Variants in MAN1A1 observed in about 807,000 individuals in gnomAD.
MAN1A1 encodes the protein mannosidase alpha class 1A member 1, also known as mannosyl-oligosaccharide 1,2-alpha-mannosidase IA.
In MAN1A1, 29 loss-of-function variants were observed where a neutral mutation model predicts 70.8. The ratio of observed to expected loss-of-function variants is 0.41; its 90% CI spans 0.31 to 0.56. The LOEUF (loss-of-function observed/expected upper bound fraction) is 0.56, where lower values mean the gene tolerates loss of function less well. Among genes scored for constraint, MAN1A1 ranks in the 20% least tolerant of loss-of-function variants. The pLI, the probability that MAN1A1 is intolerant of heterozygous loss-of-function variation, is 0.29. For missense variants in MAN1A1, 747 were observed against 841.3 expected (o/e 0.89, Z 1.39); for synonymous variants, 349 against 330.1 (o/e 1.06, Z -0.62).
rs1775365743 is a variant in MAN1A1 at position 119,253,003 on chromosome 6, C to T, written c.898-4649G>A. Among the ~76,000 whole-genome samples the T allele has an allele frequency of 2.6e-5, 4 of 152,126 alleles. No individual in the cohort carries two copies. The South Asian group carries it at 6.2e-4, about 24-fold the overall frequency. ...GAGGCAAGTTGGAAAGGTGAAAAAA[C>T]TGGCTAAGTGGGTGCCTCATGAGCT... On this transcript the variant is annotated intron_variant, in intron 5 of 12. Coordinates refer to ENST00000368468, the MANE Select transcript of MAN1A1 (RefSeq NM_005907.4).
At chr6:119,206,144 G>A (rs1209419201) in intron 6 of MAN1A1, among the ~76,000 whole-genome samples, 1 of 152,222 alleles carries the variant, frequency 6.6e-6, no homozygotes, top group African/African-American at 2.4e-5. Context: ...CACGAGCAGA[G>A]GGGCTGGCCA....
intron 5 of MAN1A1, among the ~76,000 whole-genome samples, chr6:119,279,528 T>C (rs1203744272): frequency 2.0e-5 from 3 of 152,250 alleles, no homozygotes; most frequent in Non-Finnish European, 4.4e-5. Flanking sequence ...CCAGAACCTC[T>C]ACCATGTTTC....
At chr6:119,335,287 T>C (rs1773423677) in intron 2 of MAN1A1, among the ~76,000 whole-genome samples, 1 of 152,234 alleles carries the variant, frequency 6.6e-6, no homozygotes, top group South Asian at 2.1e-4. Context: ...ATACTATGTA[T>C]TGAATAATGA....
intron 5 of MAN1A1, among the ~76,000 whole-genome samples, chr6:119,287,307 C>T (rs1776402289): frequency 6.6e-6 from 1 of 152,080 alleles, no homozygotes; most frequent in South Asian, 2.1e-4. Flanking sequence ...TTTCTATGTC[C>T]TATTACATTC....
At chr6:119,232,438 AGAGTGATAGCCTACAATGCCAAT>A (rs572511291) in intron 6 of MAN1A1, among the ~76,000 whole-genome samples, 24 of 151,948 alleles carry the variant, frequency 1.6e-4, no homozygotes, top group Admixed American at 3.3e-4. Context: ...ACAAATAGAC[AGAGTGATAGCCTACAATGCCAAT>A]GAGTGATAGC....
chr6:119,326,153 C>T (rs527965002), intron 2 of MAN1A1, among the ~76,000 whole-genome samples: 126 of 152,314 alleles, frequency 8.3e-4, no homozygotes, highest in African/African-American at 3.0e-3. Context: ...CTCTCTTACA[C>T]TTTCTGCTCT....
At chr6:119,317,786 G>A (rs1772895386) in intron 2 of MAN1A1, among the ~76,000 whole-genome samples, 1 of 151,618 alleles carries the variant, frequency 6.6e-6, no homozygotes, top group African/African-American at 2.4e-5. Flanking sequence ...AAAGGATTAT[G>A]AATTGTAATT....
At chr6:119,298,848 G>A (rs980331722) in intron 4 of MAN1A1, among the ~76,000 whole-genome samples, 1 of 151,622 alleles carries the variant, frequency 6.6e-6, no homozygotes, top group African/African-American at 2.4e-5. Context: ...CACCCGCCTC[G>A]GCCTCCCAAA....
intron 12 of MAN1A1, among the ~76,000 whole-genome samples, 172 bp from the exon 13 acceptor site, chr6:119,180,117 A>C (rs573666491): frequency 6.6e-6 from 1 of 152,318 alleles, no homozygotes; most frequent in Non-Finnish European, 1.5e-5. Context: ...GGGGTAAAGC[A>C]GCTACTCAGT....
chr6:119,284,192 A>G (rs1776297767), intron 5 of MAN1A1, among the ~76,000 whole-genome samples: 1 of 152,170 alleles, frequency 6.6e-6, no homozygotes, highest in South Asian at 2.1e-4. Context: ...GCACTCATCC[A>G]ATATCTGCTG....
At position 119,179,670 on chromosome 6, in the gene MAN1A1, T is replaced by A; in HGVS notation, c.*149A>T. 8.0e-6 allele frequency: 5 copies of A among 623,214 alleles called. No individual in the cohort carries two copies. Among genetic ancestry groups the A allele is most frequent in the Non-Finnish European group, 1.3e-5 (5 of 377,162 alleles). 38.6% of individuals were successfully genotyped at this position (623,214 alleles called of 1,614,324 possible). On this transcript the variant is annotated 3_prime_UTR_variant, in exon 13 of 13. Coordinates refer to ENST00000368468, the MANE Select transcript of MAN1A1 (RefSeq NM_005907.4). ...AGGAATTTAGGTCCACCTATACCTA[T>A]GATAATAAACATAAAAGACTGCAAA... is the stretch of plus-strand genomic sequence containing the variant.
At chr6:119,193,729 A>G in intron 9 of MAN1A1, 48 bp downstream of exon 9, 1 of 1,311,904 alleles carries the variant, frequency 7.6e-7, no homozygotes, top group Non-Finnish European at 1.1e-6. Flanking sequence ...TAATATACAA[A>G]TTATAAGTTA....
At chr6:119,282,092 C>T (rs1203773586) in intron 5 of MAN1A1, among the ~76,000 whole-genome samples, 4 of 151,870 alleles carry the variant, frequency 2.6e-5, no homozygotes, top group African/African-American at 9.7e-5. Context: ...CAAAACAAAA[C>T]AAAACAACTG....
At chr6:119,323,738 CAG>C (rs1361065090) in intron 2 of MAN1A1, among the ~76,000 whole-genome samples, 1 of 152,120 alleles carries the variant, frequency 6.6e-6, no homozygotes, top group Non-Finnish European at 1.5e-5. Context: ...CAAGAATGAA[CAG>C]AGTCTCAGAT....
At chr6:119,200,184 C>T (rs1364287235) in intron 8 of MAN1A1, among the ~76,000 whole-genome samples, 2 of 152,116 alleles carry the variant, frequency 1.3e-5, no homozygotes, top group African/African-American at 2.4e-5. Flanking sequence ...TGTGTACTGG[C>T]TTAGTAAATA....
At chr6:119,303,587 T>C (rs2114444318) in intron 3 of MAN1A1, among the ~76,000 whole-genome samples, 1 of 152,278 alleles carries the variant, frequency 6.6e-6, no homozygotes. Flanking sequence ...CCCATGAACA[T>C]TTACGTAACT....
chr6:119,298,730 G>A (rs1772297565), intron 4 of MAN1A1, among the ~76,000 whole-genome samples: 1 of 151,756 alleles, frequency 6.6e-6, no homozygotes, highest in South Asian at 2.1e-4. Flanking sequence ...CCAAGTAGCT[G>A]GGACTACAGG....
At chr6:119,308,569 A>G (rs1582791191) in intron 2 of MAN1A1, among the ~76,000 whole-genome samples, 2 of 152,150 alleles carry the variant, frequency 1.3e-5, no homozygotes, top group Admixed American at 6.5e-5. Context: ...TGATCGTGGT[A>G]TATGTTTTTG....
intron 6 of MAN1A1, among the ~76,000 whole-genome samples, chr6:119,212,226 A>G (rs1183293448): frequency 1.3e-5 from 2 of 151,822 alleles, no homozygotes; most frequent in Non-Finnish European, 2.9e-5. Context: ...AATTAGGAAA[A>G]TTTTTACCTT....
Sources: gnomAD v4.1 joint callset for allele counts (sites outside exome capture counted in the v4.1 genomes callset) on GRCh38, gnomAD v4.1.1 for gene constraint, MANE v1.5 for transcripts, NCBI Gene and HGNC (gene_info 2026-07-23, HGNC 2026-07-21) for gene names.